The following MECOM variants were observed in gnomAD, a reference collection of about 807,000 sequenced individuals.
MECOM encodes histone-lysine N-methyltransferase MECOM.
Under a neutral mutation model 116.3 loss-of-function variants are expected in MECOM, and 13 were observed. The observed-to-expected ratio is 0.11, with a 90% CI of 0.07 to 0.18. MECOM has a LOEUF of 0.18. Among genes scored for constraint, MECOM ranks in the 10% least tolerant of loss-of-function variants. The probability of loss-of-function intolerance (pLI) is 1.00; values close to 1 mark genes in which losing one functional copy is unlikely to be tolerated. For missense variants in MECOM, 1,299 were observed against 1,509.0 expected (o/e 0.86, Z 2.31); for synonymous variants, 528 against 535.2 (o/e 0.99, Z 0.19).
chr3:169,103,513 T>C (rs1724301066), intron 10 of MECOM, among the ~76,000 whole-genome samples: 1 of 152,208 alleles, frequency 6.6e-6, no homozygotes, highest in Non-Finnish European at 1.5e-5. Flanking sequence ...GCATTCTATA[T>C]GCATTACATA....
intron 1 of MECOM, among the ~76,000 whole-genome samples, chr3:169,569,981 T>C (rs993213556): frequency 3.1e-4 from 47 of 152,092 alleles, no homozygotes; most frequent in African/African-American, 1.1e-3. Context: ...AAGAAATAAC[T>C]AAGATCAGAA....
intron 1 of MECOM, among the ~76,000 whole-genome samples, chr3:169,600,541 A>G (rs1767711954): frequency 6.6e-6 from 1 of 152,206 alleles, no homozygotes; most frequent in Non-Finnish European, 1.5e-5. Context: ...CCCAGGGGCC[A>G]TGATTAATTT....
intron 2 of MECOM, among the ~76,000 whole-genome samples, chr3:169,222,965 C>T (rs1031993445): frequency 2.0e-5 from 3 of 151,940 alleles, no homozygotes; most frequent in African/African-American, 7.3e-5. Flanking sequence ...AAAGAAAATG[C>T]AAAGTGAGGA....
chr3:169,202,680 G>A (rs191852583), intron 2 of MECOM, among the ~76,000 whole-genome samples: 7 of 151,878 alleles, frequency 4.6e-5, no homozygotes, highest in South Asian at 2.1e-4. Flanking sequence ...AACCAGACAC[G>A]GTGTAAGAGT....
intron 1 of MECOM, among the ~76,000 whole-genome samples, chr3:169,515,912 T>C (rs971531610): frequency 6.6e-6 from 1 of 152,246 alleles, no homozygotes; most frequent in South Asian, 2.1e-4. Context: ...CCAATTTTTT[T>C]ATTCATCTGA....
chr3:169,392,463 T>TG (rs1560215606), intron 1 of MECOM, among the ~76,000 whole-genome samples: 1 of 152,194 alleles, frequency 6.6e-6, no homozygotes, highest in Non-Finnish European at 1.5e-5. Context: ...TTGCCAAAGA[T>TG]GCTACTGCTC....
At chr3:169,632,334 C>G (rs1274605143) in intron 1 of MECOM, among the ~76,000 whole-genome samples, 1 of 151,918 alleles carries the variant, frequency 6.6e-6, no homozygotes, top group African/African-American at 2.4e-5. Flanking sequence ...TTCCTTCATG[C>G]AAAATATTCC....
At chr3:169,164,990 G>C in intron 2 of MECOM, among the ~76,000 whole-genome samples, 1 of 152,134 alleles carries the variant, frequency 6.6e-6, no homozygotes, top group East Asian at 1.9e-4. Flanking sequence ...CCTGACAAAA[G>C]TTTTGTCTAC....
chr3:169,419,255 A>T (rs1159152527), intron 1 of MECOM, among the ~76,000 whole-genome samples: 1 of 152,208 alleles, frequency 6.6e-6, no homozygotes, highest in Admixed American at 6.5e-5. Flanking sequence ...GGACACAAAC[A>T]AATGGAAAAA....
At chr3:169,628,790 C>T (rs537153516) in intron 1 of MECOM, among the ~76,000 whole-genome samples, 2 of 152,260 alleles carry the variant, frequency 1.3e-5, no homozygotes, top group African/African-American at 4.8e-5. Context: ...CATTCCCTGT[C>T]CATGCTAGAG....
chr3:169,378,514 A>AAAAAG lies in MECOM; in HGVS notation c.375+2672_375+2673insCTTTT, dbSNP rs1731732271. Among the ~76,000 whole-genome samples the AAAAAG allele has an allele frequency of 7.4e-5, 2 of 26,884 alleles. 1 individual carries two copies. The highest frequency in any genetic ancestry group is 2.2e-3 in the East Asian group (2 of 908). The allele number at this position is 26,884 out of a possible 152,430, so 17.6% of individuals were successfully genotyped here. A position where few individuals can be genotyped will look rare whatever the true frequency, so the allele number is the denominator to read the frequency against. On this transcript the variant is annotated intron_variant, in intron 2 of 16. Coordinates refer to ENST00000651503, the MANE Select transcript of MECOM (RefSeq NM_004991.4). Reference sequence around the variant, plus strand: ...GAAAGAAAGAAAGAAAGAAAGAAAGAAAAGAAAGAAAGAAAGAAAGAAAGA... The same window carrying AAAAAG: ...GAAAGAAAGAAAGAAAGAAAGAAAGAAAAAGAAAGAAAGAAAGAAAGAAAGAAAGA...
intron 2 of MECOM, chr3:169,145,632 A>T (rs1386824): frequency 0.014 from 3,139 of 224,852 alleles, 113 homozygotes; most frequent in African/African-American, 0.066. Context: ...ATGCAATACT[A>T]ATTCCATTTC....
At chr3:169,461,251 G>A (rs941613754) in intron 1 of MECOM, among the ~76,000 whole-genome samples, 1 of 152,088 alleles carries the variant, frequency 6.6e-6, no homozygotes, top group African/African-American at 2.4e-5. Flanking sequence ...AAAATGATCA[G>A]CTTCTAAATG....
intron 2 of MECOM, among the ~76,000 whole-genome samples, chr3:169,165,785 T>C (rs769075657): frequency 6.6e-6 from 1 of 152,220 alleles, no homozygotes; most frequent in Non-Finnish European, 1.5e-5. Context: ...TCACTCTCTT[T>C]CCTAAATTAA....
At chr3:169,107,090 A>G (rs1725683557) in intron 10 of MECOM, among the ~76,000 whole-genome samples, 1 of 152,198 alleles carries the variant, frequency 6.6e-6, no homozygotes, top group Admixed American at 6.6e-5. Context: ...TTAAGTTTAT[A>G]TATAATGATT....
At position 169,246,527 on chromosome 3, in the gene MECOM, C is replaced by CTT. The variant is rs11454849; in HGVS notation, c.376-102697_376-102696dup. Among the ~76,000 whole-genome samples, 211 of 131,310 alleles carry CTT rather than the reference C, an allele frequency of 1.6e-3. 5 individuals are homozygous for CTT. The highest frequency in any genetic ancestry group is 3.8e-3 in the Middle Eastern group (1 of 262). The allele number at this position is 131,310 out of a possible 152,430, so 86.1% of individuals were successfully genotyped here. A position where few individuals can be genotyped will look rare whatever the true frequency, so the allele number is the denominator to read the frequency against. On this transcript the variant is annotated intron_variant, in intron 2 of 16. Transcript: ENST00000651503. ...TATCAACTGAAACAGTACACATACA[C>CTT]TTTTTTTTTTTTTTTTTTTGAGACG...
intron 2 of MECOM, among the ~76,000 whole-genome samples, chr3:169,282,054 T>C (rs1366688085): frequency 6.6e-6 from 1 of 152,184 alleles, no homozygotes; most frequent in Non-Finnish European, 1.5e-5. Context: ...CACTGAATAT[T>C]CGATAAACCT....
chr3:169,471,336 C>A (rs891678130), intron 1 of MECOM, among the ~76,000 whole-genome samples: 3 of 149,028 alleles, frequency 2.0e-5, no homozygotes, highest in Non-Finnish European at 4.4e-5. Context: ...ATTTTTGCTT[C>A]TGCTTTTCTT....
intron 1 of MECOM, among the ~76,000 whole-genome samples, chr3:169,639,258 G>A (rs1376288639): frequency 6.6e-6 from 1 of 152,130 alleles, no homozygotes; most frequent in African/African-American, 2.4e-5. Flanking sequence ...TTCAGAGATG[G>A]GCATGTATCC....
Sources: allele counts gnomAD v4.1 joint callset (sites outside exome capture counted in the v4.1 genomes callset), GRCh38; gene constraint gnomAD v4.1.1; transcripts MANE v1.5; gene names NCBI Gene and HGNC (gene_info 2026-07-23, HGNC 2026-07-21).